ZFP62: variants seen among roughly 807,000 people sequenced by gnomAD.
The protein encoded by ZFP62 is ZFP62 zinc finger protein, also known as zinc finger protein 62 homolog.
In ZFP62, 44 loss-of-function variants were observed where a neutral mutation model predicts 56.4. The ratio of observed to expected loss-of-function variants is 0.78; its 90% CI spans 0.61 to 1.00. ZFP62 has a LOEUF of 1.00. Among genes scored for constraint, ZFP62 ranks in the 50% least tolerant of loss-of-function variants. ZFP62 has a pLI of 0.00. For missense variants in ZFP62, 1,030 were observed against 1,085.7 expected, an observed-to-expected ratio of 0.95 and a Z score of 0.72; for synonymous variants, 421 against 388.9, an observed-to-expected ratio of 1.08 and a Z score of -0.97.
chr5:180,849,077 G>A lies in ZFP62; in HGVS notation c.2418C>T (p.Val806=). The change falls in exon 2 of 2, where the codon GTC becomes GTT. Residue 806 remains valine, a synonymous_variant. Transcript: ENST00000502412. ...AATTATAGGGCTGCTTCCCCTGGTG[G>A]ACACTTTTATGATTGATAAGACTTG... ...SHSSLINHKS[V]HQGKQPYNCE... The A allele has an allele frequency of 2.6e-6, 4 of 1,552,540 alleles. No homozygotes were observed. The highest frequency in any genetic ancestry group is 3.5e-6 in the Non-Finnish European group (4 of 1,147,402).
chr5:180,847,988 C>G lies in ZFP62; in HGVS notation c.*804G>C. 1 of 985,422 alleles carries G rather than the reference C, an allele frequency of 1.0e-6. No individual in the cohort carries two copies. The highest frequency in any genetic ancestry group is 1.2e-6 in the Non-Finnish European group (1 of 829,932). The allele number at this position is 985,422 out of a possible 1,614,324, so 61.0% of individuals were successfully genotyped here. On this transcript the variant is annotated 3_prime_UTR_variant, in exon 2 of 2. Coordinates refer to ENST00000502412, the MANE Select transcript of ZFP62 (RefSeq NM_001172638.2). ...ACTGAATGTGTCAAAATCCTCTCCA[C>G]GGTAGAACCTTTTATTGTAGCATAA...
In ZFP62 at chr5:180,850,355, G is replaced by C; in HGVS notation, c.1140C>G (p.Leu380=). The part of the protein sequence containing the change: ...CGKAFRNSSG[L]IVHKRIHTGE... ...CTGTGTGGATCCTTTTATGCACTAT[G>C]AGGCCTGAGCTGTTCCTGAAAGCCT... The change falls in exon 2 of 2, where the codon CTC becomes CTG. Residue 380 remains leucine (L), a synonymous_variant. Coordinates refer to ENST00000502412, the MANE Select transcript of ZFP62 (RefSeq NM_001172638.2). 6.4e-7 allele frequency: 1 copy of C among 1,568,018 alleles called. No homozygotes were observed. The highest frequency in any genetic ancestry group is 1.7e-4 in the Middle Eastern group (1 of 6,012).
the ZFP62 span, among the ~76,000 whole-genome samples, chr5:180,840,684 A>G: frequency 1.3e-5 from 2 of 151,878 alleles, no homozygotes; most frequent in East Asian, 3.9e-4. Context: ...TGAACCCTGG[A>G]GGTGGAGGTT....
intron 1 of ZFP62, among the ~76,000 whole-genome samples, chr5:180,853,605 TA>T (rs1303840708): frequency 6.6e-6 from 1 of 152,180 alleles, no homozygotes; most frequent in Non-Finnish European, 1.5e-5. Context: ...CAAATCAACC[TA>T]TTTGCATTTC....
At position 180,855,253 on chromosome 5, in the gene ZFP62, T is replaced by C. The variant is rs181276049; in HGVS notation, c.2-3760A>G. Among the ~76,000 whole-genome samples the C allele has an allele frequency of 1.4e-4, 22 of 152,360 alleles. No homozygotes were observed. The East Asian group carries it at 4.0e-3, about 28-fold the overall frequency. On this transcript the variant is annotated intron_variant, in intron 1 of 1. Coordinates refer to ENST00000502412, the MANE Select transcript of ZFP62 (RefSeq NM_001172638.2). ...CGTATTCTTGAATTTTTTCTGTGCA[T>C]TTGAAGTTATTACCAAACAAAAAGT...
At chr5:180,836,170 C>A in the ZFP62 span, among the ~76,000 whole-genome samples, 1 of 152,254 alleles carries the variant, frequency 6.6e-6, no homozygotes, top group African/African-American at 2.4e-5. Flanking sequence ...GATGTTCACA[C>A]AACGGCCTAA....
At chr5:180,855,158 A>G (rs1158864209) in intron 1 of ZFP62, among the ~76,000 whole-genome samples, 1 of 152,242 alleles carries the variant, frequency 6.6e-6, no homozygotes, top group Non-Finnish European at 1.5e-5. Context: ...TGAAAGAGAG[A>G]GCAAGAGGAC....
downstream of ZFP62, chr5:180,847,562 C>A: frequency 2.0e-6 from 2 of 984,186 alleles, no homozygotes; most frequent in Non-Finnish European, 2.4e-6. Flanking sequence ...CAACAAAGAT[C>A]TGGCACACAA....
the ZFP62 span, among the ~76,000 whole-genome samples, chr5:180,835,993 C>T: frequency 6.6e-6 from 1 of 152,278 alleles, no homozygotes; most frequent in African/African-American, 2.4e-5. Flanking sequence ...TTTACGGTAC[C>T]TTTTCTATGG....
intron 1 of ZFP62, among the ~76,000 whole-genome samples, chr5:180,856,598 C>T (rs922865363): frequency 6.6e-6 from 1 of 152,082 alleles, no homozygotes; most frequent in Non-Finnish European, 1.5e-5. Flanking sequence ...ATGACAAGGC[C>T]CTGCCATCAA....
chr5:180,858,071 G>C (rs1177147919), intron 1 of ZFP62, among the ~76,000 whole-genome samples: 2 of 138,420 alleles, frequency 1.4e-5, no homozygotes, highest in Non-Finnish European at 3.1e-5. Flanking sequence ...TGGCCAACAT[G>C]GTGAAACCCC....
At chr5:180,830,189 G>C in the ZFP62 span, 42 of 152,224 alleles carry the variant, frequency 2.8e-4, no homozygotes, top group African/African-American at 8.4e-4. Flanking sequence ...TTGTGTGACC[G>C]ATCAACTGGT....
chr5:180,858,298 AAAG>A (rs1317285529), intron 1 of ZFP62, among the ~76,000 whole-genome samples: 1 of 150,856 alleles, frequency 6.6e-6, no homozygotes, highest in Non-Finnish European at 1.5e-5. Flanking sequence ...AAAAGAAAAA[AAAG>A]AAAAATATTT....
At chr5:180,844,259 T>C (rs191797043), downstream of ZFP62, among the ~76,000 whole-genome samples, 9 of 152,360 alleles carry the variant, frequency 5.9e-5, no homozygotes, top group East Asian at 1.7e-3. Flanking sequence ...AATAATCTTG[T>C]AAACAGGTCT....
Position 180,848,509 on chromosome 5 carries a change from G to T in ZFP62, c.*283C>A, listed in dbSNP as rs1258876722. ...TTTCCTCATCTGTGTTTTATGTCCA[G>T]AAATGTCTACTGATTTTGAAGATTT... On this transcript the variant is annotated 3_prime_UTR_variant, in exon 2 of 2. Transcript: ENST00000502412. The T allele has an allele frequency of 8.8e-7, 1 of 1,139,382 alleles. No homozygotes were observed. 70.6% of individuals were successfully genotyped at this position (1,139,382 alleles called of 1,614,324 possible).
intron 1 of ZFP62, among the ~76,000 whole-genome samples, chr5:180,860,941 G>A (rs1171116494): frequency 6.6e-6 from 1 of 152,208 alleles, no homozygotes; most frequent in Non-Finnish European, 1.5e-5. Flanking sequence ...ACGTTGAGCA[G>A]ACCTAACATG....
At position 180,849,247 on chromosome 5, in the gene ZFP62, T is replaced by C. The variant is rs1246435508; in HGVS notation, c.2248A>G (p.Ile750Val). ...ACATAGGGTTTCTCCCCTGTGTGGA[T>C]CCTCTTGTGCTGAGAAAGGAGAGAG... ...YSSLLSQHKR[I>V]HTGEKPYVCD... Residue 750 changes from isoleucine (I) to valine (V), a missense_variant, in exon 2 of 2, where the codon ATC becomes GTC. Physicochemically the swap from Ile to Val is conservative, Grantham distance 29. Transcript: ENST00000502412. 1 of 1,556,882 alleles carries C rather than the reference T, an allele frequency of 6.4e-7. No homozygotes were observed. The highest frequency in any genetic ancestry group is 1.4e-5 in the African/African-American group (1 of 73,166).
At chr5:180,826,939 G>A in the ZFP62 span, among the ~76,000 whole-genome samples, 1 of 152,232 alleles carries the variant, frequency 6.6e-6, no homozygotes, top group Non-Finnish European at 1.5e-5. Flanking sequence ...AAAGCAACAT[G>A]AGGACATGTG....
rs1373457861 is a variant in ZFP62 at position 180,848,133 on chromosome 5, T to G, written c.*659A>C. 1.0e-6 allele frequency: 1 copy of G among 985,316 alleles called. No homozygotes were observed. The highest frequency in any genetic ancestry group is 1.7e-5 in the African/African-American group (1 of 57,230). The allele number at this position is 985,316 out of a possible 1,614,324, so 61.0% of individuals were successfully genotyped here. The stretch of plus-strand genomic sequence containing the variant: ...CTAATGTATCACAATAGTACGTTCA[T>G]CAATTTGCATTTTTTATGAGTGACT... On this transcript the variant is annotated 3_prime_UTR_variant, in exon 2 of 2. Coordinates refer to ENST00000502412, the MANE Select transcript of ZFP62 (RefSeq NM_001172638.2).
Sources: gnomAD v4.1 joint callset for allele counts (sites outside exome capture counted in the v4.1 genomes callset) on GRCh38, gnomAD v4.1.1 for gene constraint, MANE v1.5 for transcripts, NCBI Gene and HGNC (gene_info 2026-07-23, HGNC 2026-07-21) for gene names.